Variants in RAET1E observed in about 807,000 individuals in gnomAD.
RAET1E encodes the protein NKG2D ligand 4.
A neutral mutation model predicts 21.1 loss-of-function variants in RAET1E; 27 were observed. The observed-to-expected ratio is 1.28, with a 90% CI of 0.94 to 1.76. The LOEUF (loss-of-function observed/expected upper bound fraction) is 1.76, where lower values mean the gene tolerates loss of function less well. RAET1E is among the 40% of genes most tolerant of loss of function. RAET1E has a pLI of 0.00. For missense variants in RAET1E, 310 were observed against 311.3 expected (o/e 1.00, Z 0.03); for synonymous variants, 113 against 115.0 (o/e 0.98, Z 0.11).
Position 149,887,909 on chromosome 6 carries a change from A to C in RAET1E, c.*589T>G, listed in dbSNP as rs1251514648. ...ATGTCTGGCAATGTGTCTGGCATAT[A>C]ATAGTTCTCTCAGCCAGGTGTGTTG... is the stretch of plus-strand genomic sequence containing the variant. On this transcript the variant is annotated 3_prime_UTR_variant, in exon 6 of 6. Coordinates refer to ENST00000357183, the MANE Select transcript of RAET1E (RefSeq NM_001394057.1). Among the ~76,000 whole-genome samples the C allele has an allele frequency of 6.6e-6, 1 of 152,168 alleles. No homozygotes were observed. The highest frequency in any genetic ancestry group is 2.4e-5 in the African/African-American group (1 of 41,434).
chr6:149,895,176 C>T (rs997577727), intron 2 of RAET1E, among the ~76,000 whole-genome samples: 2 of 152,232 alleles, frequency 1.3e-5, no homozygotes, highest in African/African-American at 4.8e-5. Flanking sequence ...CAGAGCTCTC[C>T]TGTATGAGGT....
chr6:149,890,564 C>T (rs1777844879), intron 3 of RAET1E, among the ~76,000 whole-genome samples: 1 of 152,148 alleles, frequency 6.6e-6, no homozygotes, highest in Admixed American at 6.5e-5. Flanking sequence ...CCCAGATGTT[C>T]AGGAAAGTGA....
At chr6:149,889,785 T>C in intron 4 of RAET1E, 100 bp downstream of exon 4, 1 of 1,507,002 alleles carries the variant, frequency 6.6e-7, no homozygotes, top group Non-Finnish European at 9.0e-7. Context: ...GTTGGGCCAA[T>C]GATCAATACA....
chr6:149,895,549 G>A (rs2342770), intron 2 of RAET1E: 62,759 of 152,146 alleles, frequency 0.41, 13,830 homozygotes, highest in East Asian at 0.88. Context: ...GATGAGTTTT[G>A]TAATAGACTC....
chr6:149,891,315 G>T lies in RAET1E; in HGVS notation c.-133-281C>A, dbSNP rs145685630. 9.2e-5 allele frequency among the ~76,000 whole-genome samples: 14 copies of T among 151,738 alleles called. No individual in the cohort carries two copies. The East Asian group carries it at 2.5e-3, about 27-fold the overall frequency. On this transcript the variant is annotated intron_variant, in intron 2 of 5. Coordinates refer to ENST00000357183, the MANE Select transcript of RAET1E (RefSeq NM_001394057.1). Reference sequence around the variant, plus strand: ...TTTCCCTTTCTTCCTGGTACCCCCTGCCCATTCCTGTATTTTCTCCCATCG... The same window carrying T: ...TTTCCCTTTCTTCCTGGTACCCCCTTCCCATTCCTGTATTTTCTCCCATCG...
chr6:149,893,217 G>GT (rs1777981623), intron 2 of RAET1E, among the ~76,000 whole-genome samples: 1 of 152,194 alleles, frequency 6.6e-6, no homozygotes, highest in African/African-American at 2.4e-5. Context: ...GTTTAAAGTA[G>GT]TTTTTTCCAG....
chr6:149,891,033 G>A lies in RAET1E; in HGVS notation c.-132C>T, dbSNP rs909842527. The A allele has an allele frequency of 4.7e-6, 3 of 636,830 alleles. No homozygotes were observed. The highest frequency in any genetic ancestry group is 2.4e-5 in the Admixed American group (1 of 41,428). 39.4% of individuals were successfully genotyped at this position (636,830 alleles called of 1,614,324 possible). Reference sequence around the variant, plus strand: ...TTTACCCTGGAACAACTGAGGTCAGGCCTGTAGAGACCCAATTAAAGAACA... The same window carrying A: ...TTTACCCTGGAACAACTGAGGTCAGACCTGTAGAGACCCAATTAAAGAACA... On this transcript the variant is annotated splice_region_variant and 5_prime_UTR_variant, in exon 3 of 6. Coordinates refer to ENST00000357183, the MANE Select transcript of RAET1E (RefSeq NM_001394057.1).
chr6:149,889,302 T>C lies in RAET1E; in HGVS notation c.622+46A>G, dbSNP rs776796761. ...CTGACACCCACACAGGGAAGGCTTT[T>C]GACCTTTAAAGGGAGCTGCCACATT... On this transcript the variant is annotated intron_variant, in intron 5 of 5. Transcript: ENST00000357183. The C allele has an allele frequency of 3.7e-6, 6 of 1,606,376 alleles. No homozygotes were observed. The South Asian group carries it at 6.7e-5, about 18-fold the overall frequency.
At chr6:149,889,653 C>T (rs563202585) in intron 4 of RAET1E, 30 bp from the exon 5 acceptor site, 28 of 1,610,770 alleles carry the variant, frequency 1.7e-5, no homozygotes, top group Non-Finnish European at 2.3e-5. Flanking sequence ...CCATCATCCT[C>T]CACTCTTTGA....
In RAET1E at chr6:149,898,101, G is replaced by T. The variant is rs777810543; in HGVS notation, c.-401C>A. 3.3e-5 allele frequency: 5 copies of T among 152,168 alleles called. No individual in the cohort carries two copies. Among genetic ancestry groups the T allele is most frequent in the Non-Finnish European group, 7.3e-5 (5 of 68,050 alleles). The allele number at this position is 152,168 out of a possible 1,614,324, so 9.4% of individuals were successfully genotyped here. ...AGGTGACTGCTTCCTCAGAGTCTCT[G>T]TGCAAACTCTCTGAGGAGCAGAAAC... On this transcript the variant is annotated 5_prime_UTR_variant, in exon 1 of 6. Coordinates refer to ENST00000357183, the MANE Select transcript of RAET1E (RefSeq NM_001394057.1).
rs1777870082 is a variant in RAET1E, at chr6:149,891,002, A to G, written c.-101T>C. On this transcript the variant is annotated 5_prime_UTR_variant, in exon 3 of 6. Coordinates refer to ENST00000357183, the MANE Select transcript of RAET1E (RefSeq NM_001394057.1). ...AACAGCGTGGGTGTGGGCACTGCCC[A>G]AATTCTTTACCCTGGAACAACTGAG... The G allele has an allele frequency of 2.4e-6, 2 of 825,310 alleles. No individual in the cohort carries two copies. The highest frequency in any genetic ancestry group is 4.0e-5 in the Admixed American group (2 of 50,360). 51.1% of individuals were successfully genotyped at this position (825,310 alleles called of 1,614,324 possible).
chr6:149,892,098 C>T (rs1014150555), intron 2 of RAET1E, among the ~76,000 whole-genome samples: 24 of 152,166 alleles, frequency 1.6e-4, no homozygotes, highest in African/African-American at 4.8e-4. Flanking sequence ...ATGGTGTATA[C>T]GTGCCACATT....
intron 2 of RAET1E, among the ~76,000 whole-genome samples, chr6:149,893,405 G>A (rs1777990223): frequency 6.6e-6 from 1 of 151,846 alleles, no homozygotes; most frequent in South Asian, 2.1e-4. Context: ...TCTCCTTGAA[G>A]AGGTCCTTTA....
Position 149,890,857 on chromosome 6 carries a change from C to A in RAET1E, c.45G>T (p.Leu15Phe). The A allele has an allele frequency of 6.2e-7, 1 of 1,613,854 alleles. No individual in the cohort carries two copies. Among genetic ancestry groups the A allele is most frequent in the South Asian group, 1.1e-5 (1 of 91,056 alleles). The stretch of plus-strand genomic sequence containing the variant: ...AGGCTATTAGTAGCAACAGCAGAAA[C>A]AAAAGAAGGCGCACAGGGCTAGAAG... ...SLTSSPVRLL[L>F]FLLLLLIALE... is the part of the protein sequence containing the mutation. The change falls in exon 3 of 6, where the codon TTG becomes TTT. Residue 15 changes from leucine (L) to phenylalanine (F), a missense_variant. Physicochemically the swap from Leu to Phe is conservative, Grantham distance 22 (BLOSUM62 0). Coordinates refer to ENST00000357183, the MANE Select transcript of RAET1E (RefSeq NM_001394057.1).
intron 1 of RAET1E, among the ~76,000 whole-genome samples, chr6:149,896,981 G>C (rs1778140773): frequency 6.6e-6 from 1 of 152,218 alleles, no homozygotes; most frequent in Non-Finnish European, 1.5e-5. Flanking sequence ...CAAAATGTCA[G>C]CTTCAGGCAA....
In RAET1E at chr6:149,887,996, G is replaced by A. The variant is rs905530515; in HGVS notation, c.*502C>T. On this transcript the variant is annotated 3_prime_UTR_variant, in exon 6 of 6. Coordinates refer to ENST00000357183, the MANE Select transcript of RAET1E (RefSeq NM_001394057.1). ...GCGGGAGCATCACCTGAGGTCGGGAGTTCAAGACGAGCCTGACCAACATGG... is the reference window on the plus strand; with the variant it reads ...GCGGGAGCATCACCTGAGGTCGGGAATTCAAGACGAGCCTGACCAACATGG... 6.6e-6 allele frequency among the ~76,000 whole-genome samples: 1 copy of A among 152,176 alleles called. No individual in the cohort carries two copies. Among genetic ancestry groups the A allele is most frequent in the Non-Finnish European group, 1.5e-5 (1 of 68,034 alleles).
rs751556080 is a variant in RAET1E, at chr6:149,888,447, G to A, written c.*51C>T. 11 of 1,592,820 alleles carry A rather than the reference G, an allele frequency of 6.9e-6. No individual in the cohort carries two copies. In the South Asian group the frequency reaches 1.2e-4, roughly 18 times the overall value. ...TCTGTGGAGAGAGATGGATCAGGGA[G>A]CGGGGGCTTGGATGAGACCCATGAT... is the stretch of plus-strand genomic sequence containing the variant. On this transcript the variant is annotated 3_prime_UTR_variant, in exon 6 of 6. Coordinates refer to ENST00000357183, the MANE Select transcript of RAET1E (RefSeq NM_001394057.1).
intron 2 of RAET1E, among the ~76,000 whole-genome samples, chr6:149,893,261 G>A (rs890686340): frequency 9.2e-5 from 14 of 152,192 alleles, no homozygotes; most frequent in Admixed American, 9.2e-4. Context: ...GCTTAATGGG[G>A]ATAGCATTGA....
rs1435474798 is a variant in RAET1E at position 149,888,323 on chromosome 6, T to C, written c.*175A>G. ...TCCAGATCTTTGACCTTGCCCCTCCTCGAGAGGAGATGATTGCTTCATCCC... is the reference window on the plus strand; with the variant it reads ...TCCAGATCTTTGACCTTGCCCCTCCCCGAGAGGAGATGATTGCTTCATCCC... On this transcript the variant is annotated 3_prime_UTR_variant, in exon 6 of 6. Transcript: ENST00000357183. 1.2e-6 allele frequency: 1 copy of C among 819,870 alleles called. No homozygotes were observed. The highest frequency in any genetic ancestry group is 2.0e-6 in the Non-Finnish European group (1 of 504,426). The allele number at this position is 819,870 out of a possible 1,614,324, so 50.8% of individuals were successfully genotyped here.
Sources: gnomAD v4.1 joint callset for allele counts (sites outside exome capture counted in the v4.1 genomes callset) on GRCh38, gnomAD v4.1.1 for gene constraint, MANE v1.5 for transcripts, NCBI Gene and HGNC (gene_info 2026-07-23, HGNC 2026-07-21) for gene names.